Variants in DCAF6 observed in about 807,000 individuals in gnomAD.
The protein encoded by DCAF6 is DDB1- and CUL4-associated factor 6.
Under a neutral mutation model 125.1 loss-of-function variants are expected in DCAF6, and 54 were observed. The ratio of observed to expected loss-of-function variants is 0.43; its 90% CI spans 0.35 to 0.54. The LOEUF is 0.54. DCAF6 is among the 20% of genes least tolerant of loss of function. The pLI is 0.01. For missense variants in DCAF6, 934 were observed against 1,161.7 expected, an observed-to-expected ratio of 0.80 and a Z score of 2.85; for synonymous variants, 371 against 390.4, an observed-to-expected ratio of 0.95 and a Z score of 0.58.
At chr1:168,009,317 C>G (rs551358246) in intron 10 of DCAF6, among the ~76,000 whole-genome samples, 1 of 150,004 alleles carries the variant, frequency 6.7e-6, no homozygotes, top group East Asian at 2.0e-4. Context: ...TCTTTCTCTT[C>G]TCTTCTCTTC....
intron 21 of DCAF6, among the ~76,000 whole-genome samples, chr1:168,074,035 T>A (rs544202425): frequency 6.6e-6 from 1 of 150,988 alleles, no homozygotes; most frequent in Admixed American, 6.6e-5. Flanking sequence ...AGTAAGGAAT[T>A]GAATACTTAT....
At chr1:167,943,087 T>G (rs933805609) in intron 1 of DCAF6, among the ~76,000 whole-genome samples, 1 of 152,136 alleles carries the variant, frequency 6.6e-6, no homozygotes, top group African/African-American at 2.4e-5. Context: ...TTTTGTATTT[T>G]TTTAGTAGAG....
At chr1:168,001,107 C>T (rs1477004283) in intron 7 of DCAF6, among the ~76,000 whole-genome samples, 2 of 152,046 alleles carry the variant, frequency 1.3e-5, no homozygotes, top group East Asian at 3.9e-4. Context: ...TCAAGACCAA[C>T]CTGGGCAACA....
chr1:168,016,536 A>G (rs1217383029), intron 11 of DCAF6, among the ~76,000 whole-genome samples: 1 of 152,156 alleles, frequency 6.6e-6, no homozygotes, highest in African/African-American at 2.4e-5. Context: ...CCACAGTCTC[A>G]TGTTCTTATT....
At chr1:168,002,843 C>G (rs1370059153) in intron 8 of DCAF6, among the ~76,000 whole-genome samples, 1 of 152,044 alleles carries the variant, frequency 6.6e-6, no homozygotes, top group African/African-American at 2.4e-5. Flanking sequence ...TAAGAATGCC[C>G]ATTACCCCAT....
intron 16 of DCAF6, among the ~76,000 whole-genome samples, chr1:168,046,780 AC>A (rs2101815829): frequency 6.6e-6 from 1 of 152,220 alleles, no homozygotes; most frequent in East Asian, 1.9e-4. Context: ...AATTTCCAAA[AC>A]CCAGGGTTGA....
intron 11 of DCAF6, among the ~76,000 whole-genome samples, 167 bp downstream of exon 11, chr1:168,016,118 G>A (rs1684945224): frequency 1.3e-5 from 2 of 152,176 alleles, no homozygotes; most frequent in South Asian, 4.1e-4. Flanking sequence ...GTGTTAGGGG[G>A]ACAGATTGGC....
chr1:167,974,343 G>GTAATTC, intron 3 of DCAF6, among the ~76,000 whole-genome samples: 1 of 152,178 alleles, frequency 6.6e-6, no homozygotes, highest in East Asian at 1.9e-4. Context: ...TACTGTCACA[G>GTAATTC]TAATTCTGGT....
intron 6 of DCAF6, 76 bp from the exon 7 acceptor site, chr1:167,993,150 T>A: frequency 8.0e-7 from 1 of 1,250,062 alleles, no homozygotes; most frequent in Non-Finnish European, 1.1e-6. Context: ...CATGTAATAA[T>A]TCAGATTAAG....
In DCAF6 at chr1:168,023,014, C is replaced by G. The variant is rs1402359516; in HGVS notation, c.1576C>G (p.Gln526Glu). 5.0e-6 allele frequency: 8 copies of G among 1,614,084 alleles called. No individual in the cohort carries two copies. Among genetic ancestry groups the G allele is most frequent in the Non-Finnish European group, 6.8e-6 (8 of 1,180,046 alleles). The part of the protein sequence containing the change: ...SDSPSSVVNK[Q>E]LGSMSLDEQQ... ...TTCTCCTTCTTCTGTGGTTAACAAA[C>G]AGCTCGGATCCATGTCACTTGACGA... The change falls in exon 12 of 22, where the codon CAG becomes GAG. Residue 526 changes from glutamine to glutamate, a missense_variant. Around this residue, in one of 5 missense-constraint regions of DCAF6, gnomAD observed 559 missense variants for 635.5 expected, o/e 0.88. Transcript: ENST00000367840.
Position 168,022,845 on chromosome 1 carries a change from C to G in DCAF6, c.1550-143C>G, listed in dbSNP as rs1571980381. 13 of 725,582 alleles carry G rather than the reference C, an allele frequency of 1.8e-5. No individual in the cohort carries two copies. In the East Asian group the frequency reaches 3.5e-4, roughly 20 times the overall value. 44.9% of individuals were successfully genotyped at this position (725,582 alleles called of 1,614,324 possible). On this transcript the variant is annotated intron_variant, in intron 11 of 21. Transcript: ENST00000367840. ...TATCTTAAGCACATGGCCCTGCTTA[C>G]TCACTGCTTGGGAATCACACCACAG...
intron 3 of DCAF6, among the ~76,000 whole-genome samples, chr1:167,968,266 G>C (rs1269430668): frequency 6.6e-6 from 1 of 152,082 alleles, no homozygotes; most frequent in East Asian, 1.9e-4. Flanking sequence ...AAAGTAAAAA[G>C]GTCTCTATAA....
chr1:167,970,625 T>TA (rs35366916), intron 3 of DCAF6, among the ~76,000 whole-genome samples: 31,251 of 149,526 alleles, frequency 0.21, 3,810 homozygotes, highest in Admixed American at 0.36. Context: ...GCTGATATCT[T>TA]AAAAAAAAAA....
At chr1:167,921,973 A>G in the DCAF6 span, among the ~76,000 whole-genome samples, 1 of 152,248 alleles carries the variant, frequency 6.6e-6, no homozygotes, top group African/African-American at 2.4e-5. Flanking sequence ...TAAAGTGGTT[A>G]CAAAGGACTC....
chr1:167,883,635 A>G, the DCAF6 span: 5 of 1,614,152 alleles, frequency 3.1e-6, no homozygotes, highest in Non-Finnish European at 4.2e-6. Flanking sequence ...CAATCTGCAA[A>G]GTAGAGAGCA....
At chr1:168,053,543 A>G (rs1279702371) in intron 17 of DCAF6, among the ~76,000 whole-genome samples, 1 of 152,226 alleles carries the variant, frequency 6.6e-6, no homozygotes, top group Non-Finnish European at 1.5e-5. Flanking sequence ...TATGGCAAGG[A>G]AAAAAGATCA....
intron 16 of DCAF6, among the ~76,000 whole-genome samples, chr1:168,049,279 G>T (rs1482368989): frequency 6.6e-6 from 1 of 152,024 alleles, no homozygotes; most frequent in African/African-American, 2.4e-5. Context: ...GTCTTGCCCT[G>T]TTGCCCAGGC....
intron 1 of DCAF6, among the ~76,000 whole-genome samples, chr1:167,946,952 ACTT>A (rs969206966): frequency 1.3e-5 from 2 of 152,122 alleles, no homozygotes; most frequent in African/African-American, 4.8e-5. Context: ...TATTGATATT[ACTT>A]CTTCTTTGTA....
At chr1:168,066,267 C>T in intron 19 of DCAF6, 110 bp from the exon 20 acceptor site, 1 of 569,280 alleles carries the variant, frequency 1.8e-6, no homozygotes. Flanking sequence ...ATATAGTGTA[C>T]AATTGCTGTT....
Sources: gnomAD v4.1 joint callset for allele counts (sites outside exome capture counted in the v4.1 genomes callset) on GRCh38, gnomAD v4.1.1 for gene constraint, gnomAD v4.1.1 regional missense constraint, MANE v1.5 for transcripts, NCBI Gene and HGNC (gene_info 2026-07-23, HGNC 2026-07-21) for gene names.